MDGA2: variants seen among roughly 807,000 people sequenced by gnomAD.
The protein encoded by MDGA2 is MAM domain containing glycosylphosphatidylinositol anchor 2.
In MDGA2, 40 loss-of-function variants were observed where a neutral mutation model predicts 117.8. The observed-to-expected ratio is 0.34, with a 90% CI of 0.26 to 0.44. The LOEUF (loss-of-function observed/expected upper bound fraction) is 0.44. Among genes scored for constraint, MDGA2 ranks in the 20% least tolerant of loss-of-function variants. The pLI is 1.00. For missense variants in MDGA2, 1,123 were observed against 1,250.6 expected, an observed-to-expected ratio of 0.90 and a Z score of 1.54; for synonymous variants, 452 against 439.0, an observed-to-expected ratio of 1.03 and a Z score of -0.37.
At chr14:47,589,588 T>C (rs1275378008) in intron 1 of MDGA2, among the ~76,000 whole-genome samples, 1 of 152,020 alleles carries the variant, frequency 6.6e-6, no homozygotes, top group African/African-American at 2.4e-5. Flanking sequence ...AGTTTTTATA[T>C]CAGGTCACAT....
At chr14:46,977,135 A>G (rs1886493134) in intron 8 of MDGA2, among the ~76,000 whole-genome samples, 1 of 151,924 alleles carries the variant, frequency 6.6e-6, no homozygotes, top group African/African-American at 2.4e-5. Flanking sequence ...ATATTAGAGT[A>G]CACATGACTA....
At chr14:47,424,122 A>C (rs1396640425) in intron 1 of MDGA2, among the ~76,000 whole-genome samples, 1 of 152,100 alleles carries the variant, frequency 6.6e-6, no homozygotes, top group Non-Finnish European at 1.5e-5. Flanking sequence ...CTTAATCCTC[A>C]TTTAATTTTT....
intron 8 of MDGA2, among the ~76,000 whole-genome samples, chr14:47,021,412 A>T (rs895810029): frequency 1.2e-4 from 18 of 152,194 alleles, no homozygotes; most frequent in African/African-American, 4.1e-4. Context: ...AAATTTTGTC[A>T]TTATATATAG....
In MDGA2 at chr14:47,313,408, G is replaced by A. The variant is rs1336301605; in HGVS notation, c.281-11858C>T. Among the ~76,000 whole-genome samples, 10 of 152,096 alleles carry A rather than the reference G, an allele frequency of 6.6e-5. No homozygotes were observed. In the East Asian group the frequency reaches 1.9e-3, roughly 29 times the overall value. On this transcript the variant is annotated intron_variant, in intron 1 of 16. Transcript: ENST00000399232. ...CCGCCTCAGCCTCCCAAGTAGCTGAGGACACAGGCACAAGCCACTATGACT... is the reference window on the plus strand; with the variant it reads ...CCGCCTCAGCCTCCCAAGTAGCTGAAGACACAGGCACAAGCCACTATGACT...
intron 1 of MDGA2, among the ~76,000 whole-genome samples, chr14:47,445,881 A>G (rs1055576072): frequency 5.3e-5 from 8 of 152,158 alleles, no homozygotes; most frequent in Non-Finnish European, 1.2e-4. Context: ...AATGGAATTC[A>G]ATTTCTTGAT....
chr14:47,310,444 C>A (rs949404821), intron 1 of MDGA2, among the ~76,000 whole-genome samples: 2 of 152,054 alleles, frequency 1.3e-5, no homozygotes, highest in South Asian at 4.1e-4. Context: ...TGACCTGAAC[C>A]TGGGAGATAT....
At position 46,864,552 on chromosome 14, in the gene MDGA2, T is replaced by TTTG. The variant is rs1555329908; in HGVS notation, c.2752+8880_2752+8881insCAA. 1.3e-3 allele frequency among the ~76,000 whole-genome samples: 45 copies of TTTG among 35,624 alleles called. 1 individual carries two copies. The highest frequency in any genetic ancestry group is 8.0e-3 in the African/African-American group (44 of 5,522). The allele number at this position is 35,624 out of a possible 152,430, so 23.4% of individuals were successfully genotyped here. ...CGCTTTGCAGATATTGCTGTTTTTT[T>TTTG]TTTTTTTTTTTTTTTTTTTTACAAA... On this transcript the variant is annotated intron_variant, in intron 14 of 16. Transcript: ENST00000399232.
At position 46,929,620 on chromosome 14, in the gene MDGA2, TA is replaced by T. The variant is rs1566530241; in HGVS notation, c.2090-9461del. On this transcript the variant is annotated intron_variant, in intron 9 of 16. Transcript: ENST00000399232. ...GTGTGTGTATATATATATATATATA[TA>T]TATATATATATATATATATATATAT... 7.9e-3 allele frequency among the ~76,000 whole-genome samples: 211 copies of T among 26,684 alleles called. 27 individuals are homozygous for T. The highest frequency in any genetic ancestry group is 0.013 in the Non-Finnish European group (157 of 12,116). The allele number at this position is 26,684 out of a possible 152,430, so 17.5% of individuals were successfully genotyped here. A position where few individuals can be genotyped will look rare whatever the true frequency, so the allele number is the denominator to read the frequency against.
chr14:47,026,535 T>C (rs948305672), intron 8 of MDGA2, among the ~76,000 whole-genome samples: 1 of 149,206 alleles, frequency 6.7e-6, no homozygotes. Context: ...AATAAATTGA[T>C]AATATCACAG....
At chr14:47,312,677 G>GTTTTTTTTTTT (rs202227321) in intron 1 of MDGA2, among the ~76,000 whole-genome samples, 5 of 126,742 alleles carry the variant, frequency 3.9e-5, no homozygotes, top group African/African-American at 1.5e-4. Flanking sequence ...CTAGTTTTTA[G>GTTTTTTTTTTT]TTTTTTTTTT....
At chr14:47,115,647 A>C (rs1306714985) in intron 5 of MDGA2, among the ~76,000 whole-genome samples, 2 of 152,074 alleles carry the variant, frequency 1.3e-5, no homozygotes, top group Admixed American at 6.6e-5. Flanking sequence ...AAATCAATTA[A>C]TGTGATACAC....
At chr14:46,983,280 T>C (rs1221357412) in intron 8 of MDGA2, among the ~76,000 whole-genome samples, 2 of 152,206 alleles carry the variant, frequency 1.3e-5, no homozygotes, top group Admixed American at 6.6e-5. Context: ...ATTCAGTGGC[T>C]TAGCTGAATC....
chr14:47,046,167 AAG>A (rs756036765), intron 7 of MDGA2, among the ~76,000 whole-genome samples: 2 of 97,370 alleles, frequency 2.1e-5, no homozygotes, highest in African/African-American at 7.2e-5. Flanking sequence ...AATAATAATA[AAG>A]TAAATAAAAG....
intron 7 of MDGA2, among the ~76,000 whole-genome samples, chr14:47,057,816 A>C (rs1889742028): frequency 2.0e-5 from 3 of 151,762 alleles, no homozygotes; most frequent in African/African-American, 7.3e-5. Context: ...GTGAAGTGGT[A>C]CCATGATAGC....
chr14:47,076,163 A>G (rs1276315627), intron 6 of MDGA2, among the ~76,000 whole-genome samples: 1 of 152,098 alleles, frequency 6.6e-6, no homozygotes, highest in Non-Finnish European at 1.5e-5. Context: ...CTTTTTGTAA[A>G]CTACTACTCA....
At chr14:47,106,300 G>A (rs1880670367) in intron 5 of MDGA2, among the ~76,000 whole-genome samples, 1 of 151,978 alleles carries the variant, frequency 6.6e-6, no homozygotes, top group South Asian at 2.1e-4. Flanking sequence ...AATTAACCTC[G>A]CCTTCAAGGT....
At chr14:47,589,233 T>C (rs879784304) in intron 1 of MDGA2, among the ~76,000 whole-genome samples, 3 of 152,010 alleles carry the variant, frequency 2.0e-5, no homozygotes, top group Non-Finnish European at 2.9e-5. Flanking sequence ...GCTTTTGATG[T>C]TGTTTCTAAG....
intron 6 of MDGA2, 78 bp downstream of exon 6, chr14:47,096,776 A>G: frequency 7.1e-7 from 1 of 1,413,040 alleles, no homozygotes; most frequent in Non-Finnish European, 9.8e-7. Context: ...TGAGGAGGTA[A>G]TTTTATATCA....
chr14:46,915,215 T>C (rs1489288143), intron 10 of MDGA2, among the ~76,000 whole-genome samples: 1 of 152,146 alleles, frequency 6.6e-6, no homozygotes, highest in East Asian at 1.9e-4. Context: ...AAGGTGATTT[T>C]TAAAAGTTAG....
Sources: allele counts gnomAD v4.1 joint callset (sites outside exome capture counted in the v4.1 genomes callset), GRCh38; gene constraint gnomAD v4.1.1; transcripts MANE v1.5; gene names NCBI Gene and HGNC (gene_info 2026-07-23, HGNC 2026-07-21).